RTF1: variants seen among roughly 807,000 people sequenced by gnomAD.
RTF1 encodes the protein RTF1 homolog, Paf1/RNA polymerase II complex component.
In RTF1, 10 loss-of-function variants were observed where a neutral mutation model predicts 95.7. That is an observed-to-expected ratio of 0.10 (90% CI 0.06 to 0.18). The LOEUF (loss-of-function observed/expected upper bound fraction) is 0.18. Ranked by LOEUF, RTF1 falls within the 10% of genes least tolerant of loss-of-function variation. The pLI, the probability that RTF1 is intolerant of heterozygous loss-of-function variation, is 1.00. For missense variants in RTF1, 458 were observed against 875.6 expected (o/e 0.52, Z 6.02); for synonymous variants, 305 against 311.8 (o/e 0.98, Z 0.23).
chr15:41,470,795 A>T (rs1247678919), intron 7 of RTF1, among the ~76,000 whole-genome samples: 1 of 150,372 alleles, frequency 6.7e-6, no homozygotes, highest in East Asian at 2.0e-4. Flanking sequence ...AGTAGCTGGG[A>T]CTATAGGCGC....
chr15:41,461,554 G>A (rs1034378268), intron 4 of RTF1, among the ~76,000 whole-genome samples: 1 of 148,422 alleles, frequency 6.7e-6, no homozygotes, highest in Non-Finnish European at 1.5e-5. Flanking sequence ...GTGCAGTGGC[G>A]CAACCTCGGC....
rs10593971 is a variant in RTF1 at position 41,481,244 on chromosome 15, TGGG to T, written c.*567_*569del. The T allele has an allele frequency of 0.044, 3,856 of 87,174 alleles. 142 individuals carry two copies. Among genetic ancestry groups the T allele is most frequent in the Middle Eastern group, 0.11 (19 of 170 alleles). 5.4% of individuals were successfully genotyped at this position (87,174 alleles called of 1,614,324 possible). A position where few individuals can be genotyped will look rare whatever the true frequency, so the allele number is the denominator to read the frequency against. ...TTAGTTTCCAAAAAGTGTACATTTG[TGGG>T]GGGGGGGGGTCTAATTTGAGAGCGA... On this transcript the variant is annotated 3_prime_UTR_variant, in exon 18 of 18. Transcript: ENST00000389629.
At chr15:41,432,390 G>T (rs750051938) in intron 1 of RTF1, among the ~76,000 whole-genome samples, 9 of 150,910 alleles carry the variant, frequency 6.0e-5, no homozygotes, top group Non-Finnish European at 1.2e-4. Flanking sequence ...GTAGAGACAG[G>T]GTTTCACTGT....
chr15:41,440,226 T>C (rs1284559952), intron 2 of RTF1: 1 of 148,050 alleles, frequency 6.8e-6, no homozygotes, highest in Non-Finnish European at 1.5e-5. Flanking sequence ...CGTCTCACTC[T>C]GTCACCCAGG....
chr15:41,479,095 T>G lies in RTF1; in HGVS notation c.1819-8T>G. ...GCAATCTCTAAAACAACTTATTTTC[T>G]CTCTCAGTCCAGAGACCCAGCTGTT... On this transcript the variant is annotated splice_polypyrimidine_tract_variant and splice_region_variant and intron_variant, in intron 15 of 17. Coordinates refer to ENST00000389629, the MANE Select transcript of RTF1 (RefSeq NM_015138.5). 1 of 1,603,958 alleles carries G rather than the reference T, an allele frequency of 6.2e-7. No individual in the cohort carries two copies.
intron 1 of RTF1, among the ~76,000 whole-genome samples, chr15:41,426,322 T>G (rs1415885538): frequency 6.6e-6 from 1 of 151,494 alleles, no homozygotes; most frequent in African/African-American, 2.4e-5. Context: ...ATTTTTTTTT[T>G]TGGGATAGAG....
At position 41,482,380 on chromosome 15, in the gene RTF1, C is replaced by G. The variant is rs1032997302; in HGVS notation, c.*1693C>G. The G allele has an allele frequency of 6.6e-6, 1 of 152,624 alleles. No individual in the cohort carries two copies. The highest frequency in any genetic ancestry group is 2.4e-5 in the African/African-American group (1 of 41,450). The allele number at this position is 152,624 out of a possible 1,614,324, so 9.5% of individuals were successfully genotyped here. The stretch of plus-strand genomic sequence containing the variant: ...GCTCCGATCTCCACGAGAGACTAAT[C>G]TAAAAGCTCTGCTTTGTACTTCCTC... On this transcript the variant is annotated 3_prime_UTR_variant, in exon 18 of 18. Coordinates refer to ENST00000389629, the MANE Select transcript of RTF1 (RefSeq NM_015138.5).
intron 2 of RTF1, among the ~76,000 whole-genome samples, chr15:41,439,019 A>T (rs1387989053): frequency 5.7e-4 from 58 of 102,272 alleles, no homozygotes; most frequent in Non-Finnish European, 6.9e-4. Flanking sequence ...CAGTAATCCT[A>T]TTTTTTCTTT....
intron 1 of RTF1, among the ~76,000 whole-genome samples, chr15:41,429,386 G>A (rs2140947148): frequency 6.6e-6 from 1 of 151,074 alleles, no homozygotes; most frequent in Middle Eastern, 3.4e-3. Flanking sequence ...AGTCCTCTCT[G>A]TACTTCCACC....
intron 4 of RTF1, among the ~76,000 whole-genome samples, chr15:41,459,111 C>T (rs776583509): frequency 2.0e-5 from 3 of 148,540 alleles, no homozygotes; most frequent in African/African-American, 7.5e-5. Flanking sequence ...CCTGGCGCGG[C>T]GGCTCACACC....
chr15:41,439,085 G>T (rs11858068), intron 2 of RTF1, among the ~76,000 whole-genome samples: 27,800 of 147,856 alleles, frequency 0.19, 3,332 homozygotes, highest in Non-Finnish European at 0.26. Flanking sequence ...AGGCTGGAGT[G>T]CAGTGGTGTG....
intron 5 of RTF1, 43 bp from the exon 6 acceptor site, chr15:41,466,098 C>T (rs2050879036): frequency 7.7e-7 from 1 of 1,292,240 alleles, no homozygotes; most frequent in Admixed American, 2.9e-5. Context: ...ATCTTATCAG[C>T]TGTTGGTAAA....
chr15:41,452,507 G>T (rs1435433433), intron 2 of RTF1, among the ~76,000 whole-genome samples: 1 of 152,086 alleles, frequency 6.6e-6, no homozygotes, highest in African/African-American at 2.4e-5. Flanking sequence ...GCCGATACAG[G>T]AGGATTGTCT....
chr15:41,477,660 C>T, intron 14 of RTF1, 145 bp downstream of exon 14: 1 of 694,356 alleles, frequency 1.4e-6, no homozygotes, highest in Admixed American at 2.4e-5. Context: ...TGTCCACGTA[C>T]ATCGATATAA....
At chr15:41,448,562 TA>T (rs1390043837) in intron 2 of RTF1, among the ~76,000 whole-genome samples, 5 of 151,668 alleles carry the variant, frequency 3.3e-5, no homozygotes, top group Non-Finnish European at 7.4e-5. Context: ...CTACTAAAAA[TA>T]CAAAAATTAG....
chr15:41,479,031 G>A (rs557948597), intron 15 of RTF1, 72 bp from the exon 16 acceptor site: 10 of 1,048,498 alleles, frequency 9.5e-6, no homozygotes, highest in Non-Finnish European at 1.3e-5. Flanking sequence ...AGTTTGGTAG[G>A]TGGGAAAGAA....
intron 6 of RTF1, 96 bp downstream of exon 6, chr15:41,466,348 A>G: frequency 2.6e-6 from 2 of 777,072 alleles, no homozygotes; most frequent in Non-Finnish European, 4.0e-6. Context: ...TCTTTCTCAT[A>G]TAAAATTCCA....
In RTF1 at chr15:41,454,034, A is replaced by G. The variant is rs1419924653; in HGVS notation, c.457+986A>G. The stretch of plus-strand genomic sequence containing the variant: ...AACATTTGTCCTGTTAAGATCTACT[A>G]TTATGATAAATTCACTAATCAATTT... On this transcript the variant is annotated intron_variant, in intron 3 of 17. Coordinates refer to ENST00000389629, the MANE Select transcript of RTF1 (RefSeq NM_015138.5). 2.6e-5 allele frequency among the ~76,000 whole-genome samples: 4 copies of G among 152,150 alleles called. No individual in the cohort carries two copies. The East Asian group carries it at 5.8e-4, about 22-fold the overall frequency.
intron 8 of RTF1, among the ~76,000 whole-genome samples, chr15:41,474,085 G>A (rs554753633): frequency 2.0e-5 from 3 of 152,142 alleles, no homozygotes; most frequent in African/African-American, 7.2e-5. Flanking sequence ...CTGTGTTGCT[G>A]AGGTTGGTCT....
Sources: gnomAD v4.1 joint callset for allele counts (sites outside exome capture counted in the v4.1 genomes callset) on GRCh38, gnomAD v4.1.1 for gene constraint, MANE v1.5 for transcripts, NCBI Gene and HGNC (gene_info 2026-07-23, HGNC 2026-07-21) for gene names.